ABHD2: variants seen among roughly 807,000 people sequenced by gnomAD.
ABHD2 encodes the protein monoacylglycerol lipase ABHD2.
Under a neutral mutation model 48.1 loss-of-function variants are expected in ABHD2, and 20 were observed. That is an observed-to-expected ratio of 0.42 (90% CI 0.29 to 0.60). The LOEUF is 0.60. ABHD2 is among the 20% of genes least tolerant of loss of function. The pLI, the probability that ABHD2 is intolerant of heterozygous loss-of-function variation, is 0.24. For synonymous variants in ABHD2, 209 were observed against 214.2 expected (o/e 0.98, Z 0.21); for missense variants, 405 against 550.9 (o/e 0.74, Z 2.65).
At chr15:89,093,891 A>G (rs2049567877) in intron 1 of ABHD2, 1 of 152,230 alleles carries the variant, frequency 6.6e-6, no homozygotes, top group Non-Finnish European at 1.5e-5. Context: ...ACATGGTCTT[A>G]TAGTCTTCAG....
chr15:89,063,113 G>A, the ABHD2 span, among the ~76,000 whole-genome samples: 16 of 151,186 alleles, frequency 1.1e-4, no homozygotes, highest in East Asian at 5.8e-4. Flanking sequence ...GACTACAGGC[G>A]CACGCCACCA....
intron 3 of ABHD2, among the ~76,000 whole-genome samples, chr15:89,122,463 C>T (rs966037359): frequency 1.3e-5 from 2 of 152,132 alleles, no homozygotes; most frequent in African/African-American, 4.8e-5. Context: ...GTGTGCCTGC[C>T]CAGGAGAAAC....
chr15:89,060,145 C>T, the ABHD2 span, among the ~76,000 whole-genome samples: 1 of 129,338 alleles, frequency 7.7e-6, no homozygotes. Flanking sequence ...GGCTGGAGTG[C>T]AATGGCGCGA....
chr15:89,042,706 G>A, the ABHD2 span, among the ~76,000 whole-genome samples: 1 of 151,474 alleles, frequency 6.6e-6, no homozygotes, highest in Non-Finnish European at 1.5e-5. Flanking sequence ...GAGTACAGTG[G>A]GGTGATCTTG....
chr15:89,186,013 T>G lies in ABHD2; in HGVS notation c.815+497T>G, dbSNP rs183228421. Among the ~76,000 whole-genome samples, 150 of 152,350 alleles carry G rather than the reference T, an allele frequency of 9.8e-4. No homozygotes were observed. Among genetic ancestry groups the G allele is most frequent in the Admixed American group, 1.6e-3 (25 of 15,302 alleles). The stretch of plus-strand genomic sequence containing the variant: ...TCCCAAGCTACTGAATTTGCCAAAT[T>G]GCCTTATGCTTTTATAATTCCCAGT... On this transcript the variant is annotated intron_variant, in intron 7 of 10. Coordinates refer to ENST00000352732, the MANE Select transcript of ABHD2 (RefSeq NM_152924.5). The surrounding 1 kb of genome is among the most constrained non-coding windows in gnomAD (Gnocchi z 4.3).
chr15:89,072,044 G>T, the ABHD2 span, among the ~76,000 whole-genome samples: 54,268 of 152,138 alleles, frequency 0.36, 10,326 homozygotes, highest in East Asian at 0.5. Context: ...CACCCAAGCT[G>T]TAAGAGTCAT....
At chr15:89,142,700 C>T (rs1255890451) in intron 3 of ABHD2, among the ~76,000 whole-genome samples, 2 of 152,160 alleles carry the variant, frequency 1.3e-5, no homozygotes, top group Non-Finnish European at 1.5e-5. Context: ...CTCCACAGCC[C>T]CTGAGCCATC....
rs2050860604 is a variant in ABHD2, at chr15:89,167,840, T to C, written c.539-7972T>C. On this transcript the variant is annotated intron_variant, in intron 5 of 10. Transcript: ENST00000352732. This position sits in a 1 kb window ranked among gnomAD's most constrained non-coding sequence, Gnocchi z 5.5. ...ACCGCCCACCTGTCAGCGAGCCATG[T>C]TAGCTTAACTGTATTTTTCTCTTAG... Among the ~76,000 whole-genome samples, 1 of 152,228 alleles carries C rather than the reference T, an allele frequency of 6.6e-6. No individual in the cohort carries two copies. Among genetic ancestry groups the C allele is most frequent in the Admixed American group, 6.5e-5 (1 of 15,286 alleles).
At chr15:89,077,459 T>C in the ABHD2 span, among the ~76,000 whole-genome samples, 1 of 152,334 alleles carries the variant, frequency 6.6e-6, no homozygotes, top group Non-Finnish European at 1.5e-5. Context: ...ATTGTCCGTG[T>C]GTTTCTTTGG....
At chr15:89,058,014 A>G in the ABHD2 span, among the ~76,000 whole-genome samples, 282 of 152,312 alleles carry the variant, frequency 1.9e-3, 1 homozygote, top group African/African-American at 6.2e-3. Flanking sequence ...GGCGCCAGGC[A>G]AGAGAACGAA....
the ABHD2 span, among the ~76,000 whole-genome samples, chr15:89,076,751 T>C: frequency 6.6e-6 from 1 of 152,228 alleles, no homozygotes; most frequent in Admixed American, 6.5e-5. Flanking sequence ...TCCAAAGTGC[T>C]AGGATTACAG....
chr15:89,098,582 T>C (rs548245205), intron 1 of ABHD2, among the ~76,000 whole-genome samples: 2 of 152,328 alleles, frequency 1.3e-5, no homozygotes, highest in South Asian at 4.1e-4. Flanking sequence ...GTTCCAAATA[T>C]CCTGGCTGCA....
chr15:89,067,216 AT>A, the ABHD2 span, among the ~76,000 whole-genome samples: 1 of 151,848 alleles, frequency 6.6e-6, no homozygotes, highest in African/African-American at 2.4e-5. Flanking sequence ...AGCCCACACT[AT>A]TTATTGGTGA....
the ABHD2 span, among the ~76,000 whole-genome samples, chr15:89,052,321 C>A: frequency 6.6e-6 from 1 of 152,178 alleles, no homozygotes; most frequent in Admixed American, 6.5e-5. Flanking sequence ...GCAAAACTAT[C>A]AGCTGACATA....
rs1351948266 is a variant in ABHD2 at position 89,114,589 on chromosome 15, C to A, written c.-7+765C>A. 6.6e-6 allele frequency among the ~76,000 whole-genome samples: 1 copy of A among 152,006 alleles called. No individual in the cohort carries two copies. The highest frequency in any genetic ancestry group is 1.5e-5 in the Non-Finnish European group (1 of 67,980). ...CCTATGCTTTCCGGGTTCAAGTGAT[C>A]CTCCTGCCTCAGACTCCCAAGTAGC... On this transcript the variant is annotated intron_variant, in intron 2 of 10. Transcript: ENST00000352732. This position sits in a 1 kb window ranked among gnomAD's most constrained non-coding sequence, Gnocchi z 4.2.
the ABHD2 span, among the ~76,000 whole-genome samples, chr15:89,060,120 C>T: frequency 1.1e-4 from 13 of 123,416 alleles, no homozygotes; most frequent in Non-Finnish European, 1.9e-4. Flanking sequence ...GACAGAGTTT[C>T]GCTCTTGTTG....
Position 89,102,972 on chromosome 15 carries a change from T to C in ABHD2, c.-106-10753T>C, listed in dbSNP as rs558450293. ...GCAGGAGGAGTGAGCCTTGGAACAA[T>C]AGTGGAGTGTTTGTGGTGGACGGAC... On this transcript the variant is annotated intron_variant, in intron 1 of 10. Coordinates refer to ENST00000352732, the MANE Select transcript of ABHD2 (RefSeq NM_152924.5). This position sits in a 1 kb window ranked among gnomAD's most constrained non-coding sequence, Gnocchi z 4.8. 2.0e-5 allele frequency among the ~76,000 whole-genome samples: 3 copies of C among 152,118 alleles called. No individual in the cohort carries two copies. The highest frequency in any genetic ancestry group is 4.4e-5 in the Non-Finnish European group (3 of 68,018).
intron 3 of ABHD2, among the ~76,000 whole-genome samples, chr15:89,126,003 G>T (rs932759026): frequency 3.9e-5 from 6 of 152,150 alleles, no homozygotes; most frequent in Admixed American, 3.9e-4. Context: ...ATGGAAAAAG[G>T]CTCATCCTTT....
chr15:89,189,287 C>T lies in ABHD2; in HGVS notation c.926+984C>T, dbSNP rs994219201. On this transcript the variant is annotated intron_variant, in intron 8 of 10. Transcript: ENST00000352732. The surrounding 1 kb of genome is among the most constrained non-coding windows in gnomAD (Gnocchi z 4.9). ...ATCACATGAGGCAAGGAGTTTGAGA[C>T]CAGCCTGGGCAACATAGCAAGTCCC... 2.0e-5 allele frequency among the ~76,000 whole-genome samples: 3 copies of T among 152,084 alleles called. No homozygotes were observed. Among genetic ancestry groups the T allele is most frequent in the Admixed American group, 6.5e-5 (1 of 15,268 alleles).
Sources: allele counts gnomAD v4.1 joint callset (sites outside exome capture counted in the v4.1 genomes callset), GRCh38; gene constraint gnomAD v4.1.1; non-coding constraint Gnocchi (gnomAD v3.1); transcripts MANE v1.5; gene names NCBI Gene and HGNC (gene_info 2026-07-23, HGNC 2026-07-21).